CAPNS1: variants seen among roughly 807,000 people sequenced by gnomAD.
CAPNS1 encodes calpain small subunit 1, also known as CANP small subunit.
A neutral mutation model predicts 39.2 loss-of-function variants in CAPNS1; 32 were observed. The ratio of observed to expected loss-of-function variants is 0.82; its 90% CI spans 0.62 to 1.10. The LOEUF (loss-of-function observed/expected upper bound fraction) is 1.10. Ranked by LOEUF, CAPNS1 falls within the 50% of genes least tolerant of loss-of-function variation. The pLI, the probability that CAPNS1 is intolerant of heterozygous loss-of-function variation, is 0.00. For synonymous variants in CAPNS1, 153 were observed against 136.2 expected, an observed-to-expected ratio of 1.12 and a Z score of -0.86; for missense variants, 353 against 373.1, an observed-to-expected ratio of 0.95 and a Z score of 0.44.
intron 9 of CAPNS1, among the ~76,000 whole-genome samples, chr19:36,149,275 T>C (rs748005021): frequency 2.6e-5 from 4 of 152,200 alleles, no homozygotes; most frequent in Non-Finnish European, 4.4e-5. Context: ...GTTGCCCAGG[T>C]TGGTCTCGAA....
chr19:36,149,900 C>A lies in CAPNS1; in HGVS notation c.*61C>A. 7.2e-7 allele frequency: 1 copy of A among 1,382,598 alleles called. No individual in the cohort carries two copies. The highest frequency in any genetic ancestry group is 1.8e-5 in the South Asian group (1 of 55,684). 85.6% of individuals were successfully genotyped at this position (1,382,598 alleles called of 1,614,324 possible). On this transcript the variant is annotated 3_prime_UTR_variant, in exon 11 of 11. Transcript: ENST00000246533. ...TATAGGAGTCACCTGGAGCCTCGGT[C>A]TCTCCCAGGGCCGATCCTGTCTGCA...
rs540924844 is a variant in CAPNS1, at chr19:36,146,369, A to C, written c.721+57A>C. ...GGGATTCCTATGACCTCTATGGACC[A>C]AGGTCTCCTCTAAGCCTGACTTTGA... On this transcript the variant is annotated intron_variant, in intron 9 of 10. Coordinates refer to ENST00000246533, the MANE Select transcript of CAPNS1 (RefSeq NM_001749.4). The C allele has an allele frequency of 1.4e-4, 154 of 1,113,154 alleles. No homozygotes were observed. The Middle Eastern group carries it at 1.4e-3, about 10-fold the overall frequency. The allele number at this position is 1,113,154 out of a possible 1,614,324, so 69.0% of individuals were successfully genotyped here.
In CAPNS1 at chr19:36,142,905, G is replaced by T. The variant is rs756889786; in HGVS notation, c.334-4G>T. On this transcript the variant is annotated splice_polypyrimidine_tract_variant and splice_region_variant and intron_variant, in intron 4 of 10. Transcript: ENST00000246533. ...CCTGACCTGCCCCTAACTTCCGCCC[G>T]CAGGACATGGAGGTCAGCGCCACAG... is the stretch of plus-strand genomic sequence containing the variant. The T allele has an allele frequency of 1.9e-6, 3 of 1,613,950 alleles. No individual in the cohort carries two copies. Among genetic ancestry groups the T allele is most frequent in the African/African-American group, 2.7e-5 (2 of 74,880 alleles).
Position 36,141,201 on chromosome 19 carries a change from G to T in CAPNS1, c.190G>T (p.Gly64Ter), listed in dbSNP as rs1304090222. 6 of 1,481,238 alleles carry T rather than the reference G, an allele frequency of 4.1e-6. No individual in the cohort carries two copies. The highest frequency in any genetic ancestry group is 1.5e-5 in the African/African-American group (1 of 68,056). The allele number at this position is 1,481,238 out of a possible 1,614,324, so 91.8% of individuals were successfully genotyped here. A position where few individuals can be genotyped will look rare whatever the true frequency, so the allele number is the denominator to read the frequency against. Residue 64 changes from glycine to a stop codon, truncating the protein, a stop_gained, in exon 2 of 11, where the codon GGA becomes TGA. Transcript: ENST00000246533. LOFTEE classifies it high-confidence loss of function. ...TGGAACGGCCATGCGCATCCTAGGC[G>T]GAGTCATCAGCGCCATCAGGTAAGG... ...GGGTAMRILG[G>*]VISAISEAAA... is the part of the protein sequence containing the mutation.
At position 36,141,140 on chromosome 19, in the gene CAPNS1, CGGCGGCGGCGGCGGTGGT is replaced by C; in HGVS notation, c.132_149del (p.Gly51_Gly56del). ...GGGCCGGGGGCGGCGGCGGCGGCGG[CGGCGGCGGCGGCGGTGGT>C]GGAGGCGGCGGTGGCGGTGGAACGG... is the stretch of plus-strand genomic sequence containing the variant. On this transcript the variant is annotated inframe_deletion, in exon 2 of 11. Transcript: ENST00000246533. 7.2e-7 allele frequency: 1 copy of C among 1,384,766 alleles called. No individual in the cohort carries two copies. Among genetic ancestry groups the C allele is most frequent in the Non-Finnish European group, 9.3e-7 (1 of 1,072,880 alleles). 85.8% of individuals were successfully genotyped at this position (1,384,766 alleles called of 1,614,324 possible).
intron 9 of CAPNS1, 40 bp downstream of exon 9, chr19:36,146,352 T>C: frequency 7.7e-7 from 1 of 1,302,486 alleles, no homozygotes; most frequent in Admixed American, 1.7e-5. Context: ...TGGGGATTCC[T>C]ATGACCTCTA....
At chr19:36,141,548 GGAGATGAA>G (rs1487832490) in intron 2 of CAPNS1, 2 of 1,172,844 alleles carry the variant, frequency 1.7e-6, no homozygotes, top group African/African-American at 3.2e-5. Context: ...TGGCTAACCT[GGAGATGAA>G]CGTTAAAGGT....
chr19:36,142,172 GA>G, intron 2 of CAPNS1, 127 bp from the exon 3 acceptor site: 1 of 768,984 alleles, frequency 1.3e-6, no homozygotes, highest in East Asian at 2.5e-5. Flanking sequence ...AAGAACAAAT[GA>G]AAGGCACAGC....
In CAPNS1 at chr19:36,149,963, T is replaced by C. The variant is rs1430758510; in HGVS notation, c.*124T>C. 2 of 938,476 alleles carry C rather than the reference T, an allele frequency of 2.1e-6. No homozygotes were observed. Among genetic ancestry groups the C allele is most frequent in the Non-Finnish European group, 2.9e-6 (2 of 678,408 alleles). 58.1% of individuals were successfully genotyped at this position (938,476 alleles called of 1,614,324 possible). On this transcript the variant is annotated 3_prime_UTR_variant, in exon 11 of 11. Transcript: ENST00000246533. ...TGGGGCCTGCTGACCCACAAGCTTT[T>C]GTTCTCTCAGTACTTGTTACCCAGC...
At chr19:36,146,558 G>C (rs1411559854) in intron 9 of CAPNS1, among the ~76,000 whole-genome samples, 1 of 152,176 alleles carries the variant, frequency 6.6e-6, no homozygotes, top group East Asian at 1.9e-4. Flanking sequence ...GGTTGTGATG[G>C]GGGCAGCACA....
intron 10 of CAPNS1, 25 bp downstream of exon 10, chr19:36,149,661 G>T (rs756919953): frequency 6.3e-7 from 1 of 1,588,464 alleles, no homozygotes; most frequent in Non-Finnish European, 8.6e-7. Context: ...ATTGGGGTAT[G>T]GGTGCCTGGG....
chr19:36,145,738 G>C (rs151248065), intron 6 of CAPNS1, 68 bp from the exon 7 acceptor site: 1 of 1,366,688 alleles, frequency 7.3e-7, no homozygotes, highest in Non-Finnish European at 1.0e-6. Flanking sequence ...TATCACCATC[G>C]TGTCCACAGT....
At chr19:36,143,719 C>T (rs1199812622) in intron 6 of CAPNS1, among the ~76,000 whole-genome samples, 1 of 147,314 alleles carries the variant, frequency 6.8e-6, no homozygotes, top group African/African-American at 2.5e-5. Context: ...AAAAATTAGC[C>T]GGGCGTAGTG....
Position 36,141,209 on chromosome 19 carries a change from C to A in CAPNS1, c.198C>A (p.Ile66=), listed in dbSNP as rs150877197. ...CCATGCGCATCCTAGGCGGAGTCAT[C>A]AGCGCCATCAGGTAAGGCGGAGACT... ...GTAMRILGGV[I]SAISEAAAQY... Residue 66 remains isoleucine (I), a synonymous_variant, in exon 2 of 11, where the codon ATC becomes ATA. Coordinates refer to ENST00000246533, the MANE Select transcript of CAPNS1 (RefSeq NM_001749.4). 1.3e-5 allele frequency: 19 copies of A among 1,497,202 alleles called. No individual in the cohort carries two copies. Among genetic ancestry groups the A allele is most frequent in the Non-Finnish European group, 1.7e-5 (19 of 1,129,534 alleles). The allele number at this position is 1,497,202 out of a possible 1,614,324, so 92.7% of individuals were successfully genotyped here. A position where few individuals can be genotyped will look rare whatever the true frequency, so the allele number is the denominator to read the frequency against.
chr19:36,143,869 TAAAATA>T (rs748479476), intron 6 of CAPNS1, among the ~76,000 whole-genome samples: 97 of 115,072 alleles, frequency 8.4e-4, no homozygotes, highest in African/African-American at 2.0e-3. Context: ...TCTCAAAAAA[TAAAATA>T]AAAATAAAAA....
intron 9 of CAPNS1, among the ~76,000 whole-genome samples, chr19:36,147,323 G>A (rs1974603265): frequency 6.6e-6 from 1 of 152,238 alleles, no homozygotes; most frequent in Non-Finnish European, 1.5e-5. Context: ...TCTGAGCTAA[G>A]TAAGAGAAGG....
In CAPNS1 at chr19:36,141,164, C is replaced by T. The variant is rs781699759; in HGVS notation, c.153C>T (p.Gly51=). ...GCGGCGGCGGCGGCGGTGGTGGAGG[C>T]GGCGGTGGCGGTGGAACGGCCATGC... ...GGGGGGGGGG[G]GGGGGTAMRI... The change falls in exon 2 of 11, where the codon GGC becomes GGT. Residue 51 remains glycine, a synonymous_variant. Coordinates refer to ENST00000246533, the MANE Select transcript of CAPNS1 (RefSeq NM_001749.4). 13 of 1,403,214 alleles carry T rather than the reference C, an allele frequency of 9.3e-6. No individual in the cohort carries two copies. The highest frequency in any genetic ancestry group is 1.1e-5 in the Non-Finnish European group (12 of 1,082,938). 86.9% of individuals were successfully genotyped at this position (1,403,214 alleles called of 1,614,324 possible).
rs977126502 is a variant in CAPNS1 at position 36,142,706 on chromosome 19, C to A, written c.298C>A (p.Gln100Lys). ...IEANESEEVRQFRRLFAQLAG... is the reference protein window; with the variant it reads ...IEANESEEVRKFRRLFAQLAG... ...GGCCAACGAGAGTGAGGAGGTCCGG[C>A]AGTTCCGGAGACTCTTTGCCCAGCT... The change falls in exon 4 of 11, where the codon CAG becomes AAG. Residue 100 changes from glutamine to lysine, a missense_variant. Gln to Lys is a moderately conservative substitution (Grantham distance 53). Coordinates refer to ENST00000246533, the MANE Select transcript of CAPNS1 (RefSeq NM_001749.4). 3.7e-6 allele frequency: 6 copies of A among 1,614,040 alleles called. No homozygotes were observed. In the African/African-American group the frequency reaches 8.0e-5, roughly 22 times the overall value.
chr19:36,146,158 A>T, intron 8 of CAPNS1, 38 bp from the exon 9 acceptor site: 1 of 1,585,272 alleles, frequency 6.3e-7, no homozygotes, highest in Non-Finnish European at 8.7e-7. Flanking sequence ...GGGTTGGGCC[A>T]TGTGGCCCCC....
Sources: allele counts gnomAD v4.1 joint callset (sites outside exome capture counted in the v4.1 genomes callset), GRCh38; gene constraint gnomAD v4.1.1; transcripts MANE v1.5; gene names NCBI Gene and HGNC (gene_info 2026-07-23, HGNC 2026-07-21).